Variants in UNC5C observed in about 807,000 individuals in gnomAD.
The protein encoded by UNC5C is netrin receptor UNC5C.
UNC5C carries 47 observed loss-of-function variants against 99.8 expected under a neutral mutation model. That is an observed-to-expected ratio of 0.47 (90% CI 0.37 to 0.60). The LOEUF is 0.60. UNC5C is among the 20% of genes least tolerant of loss of function. UNC5C has a pLI of 0.00. For synonymous variants in UNC5C, 487 were observed against 452.2 expected (o/e 1.08, Z -0.98); for missense variants, 1,062 against 1,165.9 (o/e 0.91, Z 1.30).
At chr4:95,356,973 C>T in intron 1 of UNC5C, among the ~76,000 whole-genome samples, 1 of 152,084 alleles carries the variant, frequency 6.6e-6, no homozygotes, top group East Asian at 1.9e-4. Context: ...GGAAGACCTT[C>T]CAGGCCAGTA....
chr4:95,529,207 G>C (rs779530781), intron 1 of UNC5C, among the ~76,000 whole-genome samples: 1 of 149,922 alleles, frequency 6.7e-6, no homozygotes, highest in African/African-American at 2.5e-5. Context: ...CATCTCAGCT[G>C]TACTGATTTT....
At chr4:95,186,394 G>T (rs1736831379) in intron 12 of UNC5C, among the ~76,000 whole-genome samples, 1 of 152,128 alleles carries the variant, frequency 6.6e-6, no homozygotes, top group South Asian at 2.1e-4. Flanking sequence ...AGGATTTCAG[G>T]CATGGGAACC....
intron 1 of UNC5C, among the ~76,000 whole-genome samples, chr4:95,428,666 G>A (rs1463866691): frequency 6.6e-6 from 1 of 151,856 alleles, no homozygotes; most frequent in African/African-American, 2.4e-5. Flanking sequence ...ATGACAATAG[G>A]GATTTCACAG....
At chr4:95,452,923 G>A (rs1205546129) in intron 1 of UNC5C, among the ~76,000 whole-genome samples, 2 of 152,182 alleles carry the variant, frequency 1.3e-5, no homozygotes, top group Non-Finnish European at 2.9e-5. Context: ...ACTACTCTTT[G>A]TTGTGGGCAA....
At chr4:95,271,521 G>A (rs963733704) in intron 4 of UNC5C, among the ~76,000 whole-genome samples, 4 of 152,134 alleles carry the variant, frequency 2.6e-5, no homozygotes, top group Admixed American at 2.0e-4. Context: ...GAGCCACCGC[G>A]CCCGGCCACA....
chr4:95,529,074 A>G (rs1722569640), intron 1 of UNC5C, among the ~76,000 whole-genome samples: 1 of 151,526 alleles, frequency 6.6e-6, no homozygotes, highest in Non-Finnish European at 1.5e-5. Flanking sequence ...TATACATTTT[A>G]TCTGTAATAT....
chr4:95,506,866 T>C (rs1302284766), intron 1 of UNC5C, among the ~76,000 whole-genome samples: 1 of 151,950 alleles, frequency 6.6e-6, no homozygotes, highest in Non-Finnish European at 1.5e-5. Context: ...CTTTTTGATG[T>C]TGAGGGTACA....
chr4:95,347,859 C>A (rs116256211), intron 1 of UNC5C, among the ~76,000 whole-genome samples: 5,759 of 152,044 alleles, frequency 0.038, 153 homozygotes, highest in Non-Finnish European at 0.056. Context: ...GCAAAGATTT[C>A]TTGAATAATA....
rs1158939248 is a variant in UNC5C at position 95,163,185 on chromosome 4, T to C, written c.*6049A>G. On this transcript the variant is annotated 3_prime_UTR_variant, in exon 16 of 16. Coordinates refer to ENST00000453304, the MANE Select transcript of UNC5C (RefSeq NM_003728.4). ...ATGCAAATCACTTGTTCCACTGTTCTGACTGCTGTACTTTTTCTTGTCCAT... is the reference window on the plus strand; with the variant it reads ...ATGCAAATCACTTGTTCCACTGTTCCGACTGCTGTACTTTTTCTTGTCCAT... 6.6e-6 allele frequency: 1 copy of C among 152,262 alleles called. No individual in the cohort carries two copies. The highest frequency in any genetic ancestry group is 2.4e-5 in the African/African-American group (1 of 41,460). The allele number at this position is 152,262 out of a possible 1,614,324, so 9.4% of individuals were successfully genotyped here.
intron 1 of UNC5C, among the ~76,000 whole-genome samples, chr4:95,491,450 C>G (rs1721489585): frequency 1.3e-5 from 2 of 151,548 alleles, no homozygotes; most frequent in African/African-American, 2.4e-5. Flanking sequence ...AACTGCCCAT[C>G]TATATATAGA....
At chr4:95,226,306 A>G (rs1738686886) in intron 7 of UNC5C, among the ~76,000 whole-genome samples, 1 of 152,158 alleles carries the variant, frequency 6.6e-6, no homozygotes, top group South Asian at 2.1e-4. Flanking sequence ...TTGCCGAACT[A>G]CTTCACTTTT....
At chr4:95,539,193 C>A (rs952338507) in intron 1 of UNC5C, among the ~76,000 whole-genome samples, 1 of 152,138 alleles carries the variant, frequency 6.6e-6, no homozygotes. Context: ...TTTACTCCTG[C>A]GTGCACTGCA....
intron 1 of UNC5C, among the ~76,000 whole-genome samples, chr4:95,473,175 A>T (rs1343487090): frequency 6.6e-6 from 1 of 152,146 alleles, no homozygotes; most frequent in Non-Finnish European, 1.5e-5. Flanking sequence ...TCTACTCAAA[A>T]GTTTCATTAC....
intron 1 of UNC5C, among the ~76,000 whole-genome samples, chr4:95,458,763 A>AT (rs1333107617): frequency 6.6e-6 from 1 of 152,032 alleles, no homozygotes; most frequent in African/African-American, 2.4e-5. Context: ...AGCTTTGCAT[A>AT]TGCCTACTCT....
At chr4:95,192,219 C>T (rs1407367674) in intron 12 of UNC5C, among the ~76,000 whole-genome samples, 2 of 140,230 alleles carry the variant, frequency 1.4e-5, no homozygotes, top group African/African-American at 5.3e-5. Context: ...CTCTTTTGCT[C>T]GCCCTCCTCT....
At chr4:95,391,092 G>A (rs1341374817) in intron 1 of UNC5C, among the ~76,000 whole-genome samples, 1 of 152,182 alleles carries the variant, frequency 6.6e-6, no homozygotes, top group Non-Finnish European at 1.5e-5. Context: ...ACGCTCTCCT[G>A]CCTGTTGCCA....
intron 1 of UNC5C, among the ~76,000 whole-genome samples, chr4:95,350,487 A>C (rs1243845041): frequency 2.3e-4 from 2 of 8,784 alleles, no homozygotes; most frequent in East Asian, 0.5. Flanking sequence ...CTCCGTCTCA[A>C]AAAAAAAAAA....
At chr4:95,386,035 C>A (rs761772242) in intron 1 of UNC5C, among the ~76,000 whole-genome samples, 16 of 152,138 alleles carry the variant, frequency 1.1e-4, no homozygotes, top group Non-Finnish European at 8.8e-5. Flanking sequence ...GGTACCACTA[C>A]TACTGCTGGT....
chr4:95,491,082 G>GA (rs896473358), intron 1 of UNC5C, among the ~76,000 whole-genome samples: 1 of 151,226 alleles, frequency 6.6e-6, no homozygotes, highest in African/African-American at 2.4e-5. Context: ...AGATGAGGGG[G>GA]ATCACAAAAT....
Sources: allele counts gnomAD v4.1 joint callset (sites outside exome capture counted in the v4.1 genomes callset), GRCh38; gene constraint gnomAD v4.1.1; transcripts MANE v1.5; gene names NCBI Gene and HGNC (gene_info 2026-07-23, HGNC 2026-07-21).